The following ERC1 variants were observed in gnomAD, a reference collection of about 807,000 sequenced individuals.
ERC1 encodes the protein ELKS/RAB6-interacting/CAST family member 1, also known as RAB6 interacting protein 2.
Under a neutral mutation model 132.0 loss-of-function variants are expected in ERC1, and 56 were observed. That is an observed-to-expected ratio of 0.42 (90% CI 0.34 to 0.53). ERC1 has a LOEUF of 0.53. Ranked by LOEUF, ERC1 falls within the 20% of genes least tolerant of loss-of-function variation. ERC1 has a pLI of 0.03. For synonymous variants in ERC1, 478 were observed against 476.1 expected (o/e 1.00, Z -0.05); for missense variants, 1,202 against 1,349.9 (o/e 0.89, Z 1.72).
At chr12:1,448,037 G>GA (rs1337683208) in intron 18 of ERC1, among the ~76,000 whole-genome samples, 6 of 151,198 alleles carry the variant, frequency 4.0e-5, no homozygotes, top group South Asian at 2.1e-4. Flanking sequence ...TTACCAAGGG[G>GA]AAAAAAAAAT....
intron 18 of ERC1, among the ~76,000 whole-genome samples, chr12:1,484,619 C>T (rs916593347): frequency 6.7e-6 from 1 of 148,964 alleles, no homozygotes; most frequent in Non-Finnish European, 1.5e-5. Context: ...TTGCTCTCGC[C>T]CAGGCTGGAG....
intron 15 of ERC1, among the ~76,000 whole-genome samples, chr12:1,309,684 A>G (rs1241447750): frequency 6.6e-6 from 1 of 151,320 alleles, no homozygotes; most frequent in Non-Finnish European, 1.5e-5. Flanking sequence ...AGTATTTAAC[A>G]AAACAGTATT....
At chr12:1,406,323 A>G (rs1206875389) in intron 16 of ERC1, among the ~76,000 whole-genome samples, 4 of 151,942 alleles carry the variant, frequency 2.6e-5, no homozygotes, top group Non-Finnish European at 4.4e-5. Flanking sequence ...AATTTTTTTT[A>G]TGAAACTAGA....
chr12:1,316,620 T>A (rs2081752143), intron 15 of ERC1, among the ~76,000 whole-genome samples: 1 of 152,198 alleles, frequency 6.6e-6, no homozygotes, highest in African/African-American at 2.4e-5. Flanking sequence ...TAGGAACGCT[T>A]TTATACTGTT....
intron 15 of ERC1, among the ~76,000 whole-genome samples, chr12:1,317,546 A>G (rs1440596790): frequency 1.3e-5 from 2 of 152,232 alleles, no homozygotes; most frequent in Admixed American, 6.5e-5. Flanking sequence ...AACTTAAAGT[A>G]TAATTTTAAA....
intron 12 of ERC1, among the ~76,000 whole-genome samples, chr12:1,230,908 T>C (rs1026285153): frequency 6.6e-6 from 1 of 152,240 alleles, no homozygotes; most frequent in Non-Finnish European, 1.5e-5. Flanking sequence ...ACCATTTCCA[T>C]GGAATATCTT....
intron 15 of ERC1, among the ~76,000 whole-genome samples, chr12:1,327,101 A>C (rs1251087072): frequency 5.9e-5 from 9 of 152,162 alleles, no homozygotes; most frequent in Non-Finnish European, 1.3e-4. Flanking sequence ...TATTTCATCT[A>C]CCACATTACT....
At chr12:1,193,529 C>T (rs78020838) in intron 12 of ERC1, among the ~76,000 whole-genome samples, 2,640 of 151,550 alleles carry the variant, frequency 0.017, 48 homozygotes, top group Admixed American at 0.037. Context: ...GAGATTTATA[C>T]GTATATTTAT....
chr12:1,098,927 A>G (rs964169349), intron 3 of ERC1, among the ~76,000 whole-genome samples: 5 of 152,256 alleles, frequency 3.3e-5, no homozygotes, highest in African/African-American at 9.6e-5. Context: ...AAGGAAACAG[A>G]GAAAGTGCAA....
At chr12:1,016,639 T>C (rs1056801328) in intron 1 of ERC1, among the ~76,000 whole-genome samples, 17 of 150,858 alleles carry the variant, frequency 1.1e-4, no homozygotes, top group African/African-American at 3.9e-4. Context: ...TCTTTTCTTT[T>C]TTTTTTTTTT....
intron 12 of ERC1, among the ~76,000 whole-genome samples, chr12:1,197,687 A>G (rs989020654): frequency 2.6e-5 from 4 of 152,202 alleles, no homozygotes; most frequent in East Asian, 1.9e-4. Flanking sequence ...TACAGAAGCT[A>G]TTGTCATTTC....
chr12:1,242,558 T>C (rs1594479560), intron 13 of ERC1, among the ~76,000 whole-genome samples: 1 of 152,218 alleles, frequency 6.6e-6, no homozygotes, highest in East Asian at 1.9e-4. Flanking sequence ...CTCTTTATTG[T>C]ATTCACCTAT....
chr12:999,277 C>G (rs1961647772), intron 1 of ERC1, among the ~76,000 whole-genome samples: 1 of 152,102 alleles, frequency 6.6e-6, no homozygotes, highest in Non-Finnish European at 1.5e-5. Context: ...ATTTTTATGT[C>G]TTCAGTTTTT....
At chr12:1,434,599 C>T (rs566756950) in intron 17 of ERC1, among the ~76,000 whole-genome samples, 5 of 152,202 alleles carry the variant, frequency 3.3e-5, no homozygotes, top group Non-Finnish European at 7.3e-5. Context: ...GGGCTGCCCC[C>T]CTTTGCCACT....
intron 12 of ERC1, 96 bp downstream of exon 12, chr12:1,190,148 A>AT: frequency 8.9e-7 from 1 of 1,127,418 alleles, no homozygotes; most frequent in Non-Finnish European, 1.4e-6. Context: ...CTAACTCTGA[A>AT]TTTAGGTTCT....
chr12:991,836 GA>G (rs1442621788), intron 1 of ERC1: 1 of 152,226 alleles, frequency 6.6e-6, no homozygotes, highest in African/African-American at 2.4e-5. Flanking sequence ...TTTTCTTTTC[GA>G]TGAAATGGTG....
chr12:1,273,691 A>G lies in ERC1; in HGVS notation c.2619+10526A>G, dbSNP rs114070102. 5.1e-3 allele frequency among the ~76,000 whole-genome samples: 770 copies of G among 152,282 alleles called. 9 individuals are homozygous for G. The highest frequency in any genetic ancestry group is 0.018 in the African/African-American group (739 of 41,548). ...TGGCCATATCTGCCTAGTGGCTACT[A>G]TATTGGACAGTTCAACTCTATAGTA... On this transcript the variant is annotated intron_variant, in intron 14 of 18. Transcript: ENST00000360905.
chr12:1,356,209 AAAAAGTGT>A (rs1180312050), intron 15 of ERC1, among the ~76,000 whole-genome samples: 5 of 116,434 alleles, frequency 4.3e-5, no homozygotes, highest in Non-Finnish European at 8.4e-5. Context: ...CAAAAAAAAA[AAAAAGTGT>A]GTGTGTGTGT....
rs747891012 is a variant in ERC1, at chr12:1,064,167, G to A, written c.670-18997G>A. ...CTGCTGAGAAATCTGCCATTAGTCT[G>A]ATGGAGATTCCCATACATGTGACTT... On this transcript the variant is annotated intron_variant, in intron 2 of 18. Coordinates refer to ENST00000360905, the MANE Select transcript of ERC1 (RefSeq NM_178040.4). Among the ~76,000 whole-genome samples, 12 of 151,868 alleles carry A rather than the reference G, an allele frequency of 7.9e-5. 1 individual carries two copies. The Middle Eastern group carries it at 0.01, about 130-fold the overall frequency.
Sources: allele counts gnomAD v4.1 joint callset (sites outside exome capture counted in the v4.1 genomes callset), GRCh38; gene constraint gnomAD v4.1.1; transcripts MANE v1.5; gene names NCBI Gene and HGNC (gene_info 2026-07-23, HGNC 2026-07-21).